Variants in PDK2 observed in about 807,000 individuals in gnomAD.
The protein encoded by PDK2 is pyruvate dehydrogenase kinase 2, also known as pyruvate dehydrogenase kinase, isozyme 2.
Under a neutral mutation model 50.4 loss-of-function variants are expected in PDK2, and 34 were observed. The observed-to-expected ratio is 0.68, with a 90% CI of 0.51 to 0.90. PDK2 has a LOEUF of 0.90. Ranked by LOEUF, PDK2 falls within the 40% of genes least tolerant of loss-of-function variation. The pLI is 0.00. For synonymous variants in PDK2, 232 were observed against 216.0 expected (o/e 1.07, Z -0.65); for missense variants, 377 against 544.5 (o/e 0.69, Z 3.06).
intron 6 of PDK2, 166 bp from the exon 7 acceptor site, chr17:50,107,990 C>A: frequency 1.6e-6 from 1 of 644,492 alleles, no homozygotes. Flanking sequence ...TGCATCACTT[C>A]CATGAGTCAC....
At chr17:50,103,050 A>G (rs1334337201) in intron 2 of PDK2, among the ~76,000 whole-genome samples, 1 of 152,224 alleles carries the variant, frequency 6.6e-6, no homozygotes, top group Non-Finnish European at 1.5e-5. Context: ...TTGGCAGATG[A>G]GAGACCCTGT....
chr17:50,104,803 G>A (rs1910420667), intron 2 of PDK2, among the ~76,000 whole-genome samples: 1 of 152,220 alleles, frequency 6.6e-6, no homozygotes, highest in South Asian at 2.1e-4. Flanking sequence ...ACTTGCCGAG[G>A]CAGGTGCCTG....
rs1354759476 is a variant in PDK2, at chr17:50,109,766, C to T, written c.1084-191C>T. Among the ~76,000 whole-genome samples the T allele has an allele frequency of 6.6e-6, 1 of 152,190 alleles. No homozygotes were observed. The highest frequency in any genetic ancestry group is 2.4e-5 in the African/African-American group (1 of 41,450). Reference sequence around the variant, plus strand: ...CACACAGCCCAGCCTCCTCCCCCTCCCTCTCCCTCCCTTAGAGGGAGCTGC... The same window carrying T: ...CACACAGCCCAGCCTCCTCCCCCTCTCTCTCCCTCCCTTAGAGGGAGCTGC... On this transcript the variant is annotated intron_variant, in intron 10 of 10. Transcript: ENST00000503176. The surrounding 1 kb of genome is among the most constrained non-coding windows in gnomAD (Gnocchi z 5.0).
chr17:50,102,878 C>T lies in PDK2; in HGVS notation c.261-2493C>T, dbSNP rs533787408. 5.3e-5 allele frequency among the ~76,000 whole-genome samples: 8 copies of T among 152,330 alleles called. No homozygotes were observed. In the East Asian group the frequency reaches 9.6e-4, roughly 18 times the overall value. ...CAGCAGCGGCATCACCGTCAGGGCC[C>T]GTGTTGGCCGTTGGCCACGTGGTGT... On this transcript the variant is annotated intron_variant, in intron 2 of 10. Transcript: ENST00000503176.
intron 1 of PDK2, chr17:50,095,803 C>G: frequency 7.6e-7 from 1 of 1,320,698 alleles, no homozygotes; most frequent in African/African-American, 1.5e-5. Context: ...CATGAAGGGT[C>G]TTGAAGAGTA....
intron 5 of PDK2, 79 bp from the exon 6 acceptor site, chr17:50,106,997 G>A: frequency 6.8e-7 from 1 of 1,460,928 alleles, no homozygotes; most frequent in South Asian, 1.1e-5. Context: ...TTTAATGCTG[G>A]TGGTCCCCAG....
rs904718964 is a variant in PDK2, at chr17:50,101,648, C to T, written c.261-3723C>T. The stretch of plus-strand genomic sequence containing the variant: ...CACACACTCCCCCGCTGGCTCAGCA[C>T]CCCCTCTGCTCCCACACAGGGCTGC... On this transcript the variant is annotated intron_variant, in intron 2 of 10. Transcript: ENST00000503176. This position sits in a 1 kb window ranked among gnomAD's most constrained non-coding sequence, Gnocchi z 4.2. Among the ~76,000 whole-genome samples the T allele has an allele frequency of 3.9e-5, 6 of 152,188 alleles. No individual in the cohort carries two copies. The highest frequency in any genetic ancestry group is 1.4e-4 in the African/African-American group (6 of 41,444).
At chr17:50,104,952 C>CA (rs1910428287) in intron 2 of PDK2, among the ~76,000 whole-genome samples, 1 of 152,166 alleles carries the variant, frequency 6.6e-6, no homozygotes, top group Admixed American at 6.5e-5. Context: ...CGGGGAGAAA[C>CA]ATTAGGAGCT....
At chr17:50,096,225 C>T (rs1357739405) in intron 1 of PDK2, 2 of 985,388 alleles carry the variant, frequency 2.0e-6, no homozygotes, top group African/African-American at 1.7e-5. Flanking sequence ...GGCAGGGGCC[C>T]CAGGCACCGT....
intron 2 of PDK2, among the ~76,000 whole-genome samples, chr17:50,102,463 A>C (rs1910286364): frequency 1.4e-5 from 2 of 147,542 alleles, no homozygotes; most frequent in African/African-American, 2.5e-5. Context: ...CCCACTGCCC[A>C]GCACAGTCAG....
At chr17:50,097,312 T>C in intron 1 of PDK2, 111 bp from the exon 2 acceptor site, 1 of 1,112,552 alleles carries the variant, frequency 9.0e-7, no homozygotes, top group Non-Finnish European at 1.3e-6. Flanking sequence ...CCCGGGCAGG[T>C]CACTTGCTCT....
chr17:50,106,037 G>A lies in PDK2; in HGVS notation c.485G>A (p.Arg162His), dbSNP rs760856334. ...QYFLDRFYLS[R>H]ISIRMLINQH... Reference sequence around the variant, plus strand: ...TTCCTGGACCGCTTCTACCTCAGCCGCATCTCCATCCGCATGCTCATCAAC... The same window carrying A: ...TTCCTGGACCGCTTCTACCTCAGCCACATCTCCATCCGCATGCTCATCAAC... The change falls in exon 4 of 11, where the codon CGC becomes CAC. Residue 162 changes from arginine (R) to histidine (H), a missense_variant. This residue lies in a region of PDK2 where 63 missense variants were observed against 135.1 expected (regional missense o/e 0.47). Transcript: ENST00000503176. 6.2e-7 allele frequency: 1 copy of A among 1,607,522 alleles called. No individual in the cohort carries two copies. The highest frequency in any genetic ancestry group is 8.5e-7 in the Non-Finnish European group (1 of 1,177,070).
chr17:50,102,924 C>A (rs114125445), intron 2 of PDK2, among the ~76,000 whole-genome samples: 7,812 of 152,174 alleles, frequency 0.051, 219 homozygotes, highest in African/African-American at 0.085. Flanking sequence ...TCTGCAAGAG[C>A]TAGGTTTGAA....
chr17:50,110,194 G>T lies in PDK2; in HGVS notation c.*97G>T. ...CATCCTCCTGGGGGAGCAGGGGGTGGGTTCTCCCTGATGACCAGGTTCTGT... is the reference window on the plus strand; with the variant it reads ...CATCCTCCTGGGGGAGCAGGGGGTGTGTTCTCCCTGATGACCAGGTTCTGT... On this transcript the variant is annotated 3_prime_UTR_variant, in exon 11 of 11. Coordinates refer to ENST00000503176, the MANE Select transcript of PDK2 (RefSeq NM_002611.5). The T allele has an allele frequency of 7.5e-7, 1 of 1,327,832 alleles. No homozygotes were observed. The highest frequency in any genetic ancestry group is 1.0e-6 in the Non-Finnish European group (1 of 988,386). 82.3% of individuals were successfully genotyped at this position (1,327,832 alleles called of 1,614,324 possible).
In PDK2 at chr17:50,108,149, C is replaced by T. The variant is rs921668430; in HGVS notation, c.686-7C>T. The T allele has an allele frequency of 4.4e-6, 7 of 1,586,004 alleles. No homozygotes were observed. Among genetic ancestry groups the T allele is most frequent in the Admixed American group, 1.8e-5 (1 of 56,080 alleles). On this transcript the variant is annotated splice_polypyrimidine_tract_variant and splice_region_variant and intron_variant, in intron 6 of 10. Transcript: ENST00000503176. ...TTCCTGACCCTTGGTCTTGACTTGC[C>T]CTGTAGCAGCCAACTCCAAACAGCC...
At chr17:50,107,032 C>T (rs772854200) in intron 5 of PDK2, 44 bp from the exon 6 acceptor site, 3 of 1,565,322 alleles carry the variant, frequency 1.9e-6, no homozygotes, top group Non-Finnish European at 2.6e-6. Flanking sequence ...GGACTGCCTG[C>T]TGGGTGGGCC....
At chr17:50,108,063 A>C (rs1034830384) in intron 6 of PDK2, 93 bp from the exon 7 acceptor site, 2 of 1,011,294 alleles carry the variant, frequency 2.0e-6, no homozygotes, top group East Asian at 2.6e-5. Context: ...ATGTACTCAG[A>C]ACTTTGTGGG....
Position 50,106,898 on chromosome 17 carries a change from C to G in PDK2, c.607+15C>G. On this transcript the variant is annotated intron_variant, in intron 5 of 10. Transcript: ENST00000503176. The stretch of plus-strand genomic sequence containing the variant: ...GGTGGTCAAAGGTGAGCCATTCCCA[C>G]GGTGCCTGGCCCGCAGAGAAGCCCC... The G allele has an allele frequency of 6.2e-7, 1 of 1,609,246 alleles. No homozygotes were observed. The highest frequency in any genetic ancestry group is 8.5e-7 in the Non-Finnish European group (1 of 1,175,612).
intron 2 of PDK2, among the ~76,000 whole-genome samples, chr17:50,104,169 A>T (rs529991304): frequency 6.6e-6 from 1 of 152,192 alleles, no homozygotes; most frequent in African/African-American, 2.4e-5. Flanking sequence ...CACGGGGCAC[A>T]GTGGCTCCAG....
Sources: gnomAD v4.1 joint callset for allele counts (sites outside exome capture counted in the v4.1 genomes callset) on GRCh38, gnomAD v4.1.1 for gene constraint, gnomAD v4.1.1 regional missense constraint, Gnocchi (gnomAD v3.1) non-coding constraint, MANE v1.5 for transcripts, NCBI Gene and HGNC (gene_info 2026-07-23, HGNC 2026-07-21) for gene names.